The following PKIG variants were observed in gnomAD, a reference collection of about 807,000 sequenced individuals.
PKIG encodes the protein cAMP-dependent protein kinase inhibitor gamma.
In PKIG, 1 loss-of-function variant was observed where a neutral mutation model predicts 6.8. That is an observed-to-expected ratio of 0.15 (90% CI 0.05 to 0.69). The LOEUF (loss-of-function observed/expected upper bound fraction) is 0.69, where lower values mean the gene tolerates loss of function less well. Among genes scored for constraint, PKIG ranks in the 30% least tolerant of loss-of-function variants. The pLI, the probability that PKIG is intolerant of heterozygous loss-of-function variation, is 0.82. For missense variants in PKIG, 77 were observed against 104.0 expected (o/e 0.74, Z 1.13); for synonymous variants, 39 against 43.0 (o/e 0.91, Z 0.36).
At chr20:44,564,517 A>G (rs993386413) in intron 1 of PKIG, among the ~76,000 whole-genome samples, 4 of 151,762 alleles carry the variant, frequency 2.6e-5, no homozygotes, top group Admixed American at 1.3e-4. Flanking sequence ...CATTTTATGT[A>G]TAAGCTCTCT....
chr20:44,604,277 C>G (rs2065145761), intron 2 of PKIG, among the ~76,000 whole-genome samples: 1 of 152,186 alleles, frequency 6.6e-6, no homozygotes, highest in African/African-American at 2.4e-5. Context: ...TTTTGACTTG[C>G]ATAATTGATT....
chr20:44,591,710 T>A (rs2065035153), intron 2 of PKIG, among the ~76,000 whole-genome samples: 1 of 152,224 alleles, frequency 6.6e-6, no homozygotes, highest in African/African-American at 2.4e-5. Flanking sequence ...ATCTATTAAA[T>A]GAAGATAATA....
intron 1 of PKIG, among the ~76,000 whole-genome samples, chr20:44,536,726 AG>A (rs1377030566): frequency 6.6e-6 from 1 of 152,216 alleles, no homozygotes; most frequent in East Asian, 1.9e-4. Context: ...GCACATAGAG[AG>A]ATGACACTGG....
intron 1 of PKIG, among the ~76,000 whole-genome samples, chr20:44,541,205 G>A (rs756191206): frequency 6.6e-5 from 10 of 152,202 alleles, no homozygotes; most frequent in Non-Finnish European, 1.5e-4. Context: ...CGGCAATGAA[G>A]GACTAGGAAA....
Position 44,599,981 on chromosome 20 carries a change from C to T in PKIG, c.-24+10115C>T, listed in dbSNP as rs538365896. ...CATGCAATAGTTGGGGGCAGAGGAA[C>T]TCAGGAGGCTTTGTGCCCTACAGGA... On this transcript the variant is annotated intron_variant, in intron 2 of 3. Coordinates refer to ENST00000372886, the MANE Select transcript of PKIG (RefSeq NM_001281445.2). Among the ~76,000 whole-genome samples the T allele has an allele frequency of 4.4e-4, 67 of 152,258 alleles. 1 individual carries two copies. The highest frequency in any genetic ancestry group is 7.9e-4 in the Non-Finnish European group (54 of 68,012).
intron 2 of PKIG, among the ~76,000 whole-genome samples, chr20:44,590,277 G>T (rs1460395569): frequency 2.0e-5 from 3 of 152,118 alleles, no homozygotes; most frequent in Non-Finnish European, 4.4e-5. Flanking sequence ...GGCACATTAT[G>T]GGAATTTTCA....
At chr20:44,554,845 G>C (rs1000101992) in intron 1 of PKIG, among the ~76,000 whole-genome samples, 1 of 152,128 alleles carries the variant, frequency 6.6e-6, no homozygotes, top group Admixed American at 6.5e-5. Flanking sequence ...GGGCGTGGGG[G>C]CACCTACAGA....
At chr20:44,537,985 GTTAAAATT>G (rs2064528131) in intron 1 of PKIG, among the ~76,000 whole-genome samples, 1 of 152,080 alleles carries the variant, frequency 6.6e-6, no homozygotes, top group Admixed American at 6.5e-5. Flanking sequence ...TCACAATTCT[GTTAAAATT>G]TTAAAATTTA....
chr20:44,573,756 T>C (rs139170789), intron 1 of PKIG, among the ~76,000 whole-genome samples: 2 of 152,334 alleles, frequency 1.3e-5, no homozygotes, highest in East Asian at 3.9e-4. Context: ...AAATAACATA[T>C]GTAAAGCACT....
intron 2 of PKIG, among the ~76,000 whole-genome samples, chr20:44,609,677 A>G (rs1036681278): frequency 1.2e-4 from 18 of 152,182 alleles, no homozygotes; most frequent in Admixed American, 4.6e-4. Flanking sequence ...TGGACATGGG[A>G]AAAATCCAGA....
chr20:44,566,852 T>C (rs900630639), intron 1 of PKIG, among the ~76,000 whole-genome samples: 17 of 152,062 alleles, frequency 1.1e-4, no homozygotes, highest in African/African-American at 4.1e-4. Flanking sequence ...TCTAAATAAA[T>C]AAATAAAAAT....
chr20:44,537,641 G>C (rs1023560829), intron 1 of PKIG, among the ~76,000 whole-genome samples: 1 of 150,682 alleles, frequency 6.6e-6, no homozygotes, highest in Non-Finnish European at 1.5e-5. Flanking sequence ...GCAGTGGTGC[G>C]ATTTTGGCTC....
chr20:44,564,383 T>C (rs2123259004), intron 1 of PKIG: 1 of 152,342 alleles, frequency 6.6e-6, no homozygotes, highest in Non-Finnish European at 1.5e-5. Flanking sequence ...TCACTGTTCC[T>C]TCTCATTTCC....
intron 2 of PKIG, among the ~76,000 whole-genome samples, chr20:44,592,946 A>G (rs2065045079): frequency 6.6e-6 from 1 of 152,172 alleles, no homozygotes; most frequent in Non-Finnish European, 1.5e-5. Context: ...AAATAGAACA[A>G]ATAATCCTAA....
At chr20:44,578,943 A>C (rs1256659679), upstream of PKIG, among the ~76,000 whole-genome samples, 1 of 152,164 alleles carries the variant, frequency 6.6e-6, no homozygotes, top group African/African-American at 2.4e-5. Flanking sequence ...AGGCCAAGGC[A>C]GGCAGATCAC....
intron 1 of PKIG, among the ~76,000 whole-genome samples, chr20:44,567,121 A>G (rs1199848362): frequency 2.0e-5 from 3 of 152,220 alleles, no homozygotes; most frequent in Non-Finnish European, 4.4e-5. Flanking sequence ...ATCTTACAGA[A>G]TCTTATAGAG....
chr20:44,597,741 C>T (rs564657445), intron 2 of PKIG, among the ~76,000 whole-genome samples: 9 of 152,224 alleles, frequency 5.9e-5, no homozygotes, highest in African/African-American at 1.4e-4. Context: ...CTAAATTTGC[C>T]GAGGCTCAGC....
intron 2 of PKIG, among the ~76,000 whole-genome samples, chr20:44,600,648 C>T (rs1490487730): frequency 6.6e-6 from 1 of 151,594 alleles, no homozygotes; most frequent in Admixed American, 6.6e-5. Flanking sequence ...GAATTTAAGA[C>T]TAGGCTGGGC....
chr20:44,540,465 C>G (rs371322669), intron 1 of PKIG, among the ~76,000 whole-genome samples: 3 of 152,178 alleles, frequency 2.0e-5, no homozygotes, highest in East Asian at 3.9e-4. Context: ...TTACGTTATC[C>G]CAATGACCAA....
Sources: gnomAD v4.1 joint callset for allele counts (sites outside exome capture counted in the v4.1 genomes callset) on GRCh38, gnomAD v4.1.1 for gene constraint, MANE v1.5 for transcripts, NCBI Gene and HGNC (gene_info 2026-07-23, HGNC 2026-07-21) for gene names.